Variants in MMP26 observed in about 807,000 individuals in gnomAD.
The protein encoded by MMP26 is matrix metalloproteinase-26.
MMP26 carries 33 observed loss-of-function variants against 31.0 expected under a neutral mutation model. That is an observed-to-expected ratio of 1.06 (90% CI 0.81 to 1.42). MMP26 has a LOEUF of 1.42. MMP26 is among the 40% of genes most tolerant of loss of function. The pLI, the probability that MMP26 is intolerant of heterozygous loss-of-function variation, is 0.00. For synonymous variants in MMP26, 122 were observed against 114.9 expected (o/e 1.06, Z -0.40); for missense variants, 347 against 316.1 (o/e 1.10, Z -0.74).
rs555807969 is a variant in MMP26 at position 4,725,335 on chromosome 11, G to A, written c.-217+20290G>A. ...AGACTGTTTTTTTTCCTACTAATCTGCATGCCCAAAGAGGAAATAGAGGAA... is the reference window on the plus strand; with the variant it reads ...AGACTGTTTTTTTTCCTACTAATCTACATGCCCAAAGAGGAAATAGAGGAA... On this transcript the variant is annotated intron_variant, in intron 1 of 7. Transcript: ENST00000380390. 3.3e-5 allele frequency among the ~76,000 whole-genome samples: 5 copies of A among 152,188 alleles called. No homozygotes were observed. In the South Asian group the frequency reaches 1.0e-3, roughly 32 times the overall value.
At chr11:4,989,162 G>A (rs1846954513) in intron 3 of MMP26, among the ~76,000 whole-genome samples, 1 of 152,180 alleles carries the variant, frequency 6.6e-6, no homozygotes. Context: ...AATCAGTGGA[G>A]ACAAGGAATA....
At chr11:4,791,150 G>A (rs1433927642) in intron 2 of MMP26, among the ~76,000 whole-genome samples, 2 of 152,110 alleles carry the variant, frequency 1.3e-5, no homozygotes, top group Non-Finnish European at 2.9e-5. Flanking sequence ...CACAATTTGT[G>A]CTTTTAGAAT....
At chr11:4,957,701 G>T (rs1846463339) in intron 2 of MMP26, among the ~76,000 whole-genome samples, 1 of 150,398 alleles carries the variant, frequency 6.6e-6, no homozygotes, top group South Asian at 2.1e-4. Context: ...TTTTTTTTTG[G>T]AGATAGAGTC....
intron 2 of MMP26, chr11:4,915,621 C>T: frequency 1.2e-6 from 2 of 1,613,756 alleles, no homozygotes; most frequent in Non-Finnish European, 1.7e-6. Context: ...AGGAAGGTAG[C>T]AGAAACGCTG....
At chr11:4,766,692 T>TTTCCCTCCCTCCCTCC (rs1414845509) in intron 1 of MMP26, among the ~76,000 whole-genome samples, 1,692 of 37,320 alleles carry the variant, frequency 0.045, 121 homozygotes, top group Non-Finnish European at 0.072. Flanking sequence ...CCCACTTTCC[T>TTTCCCTCCCTCCCTCC]TTCCCTCCCT....
At chr11:4,836,980 A>C (rs963065017) in intron 2 of MMP26, among the ~76,000 whole-genome samples, 1 of 152,058 alleles carries the variant, frequency 6.6e-6, no homozygotes, top group African/African-American at 2.4e-5. Context: ...CAATATATGA[A>C]ACACAAAAAG....
chr11:4,808,497 A>G (rs1166650503), intron 2 of MMP26, among the ~76,000 whole-genome samples: 1 of 152,072 alleles, frequency 6.6e-6, no homozygotes, highest in Non-Finnish European at 1.5e-5. Context: ...CGGGGAGGAC[A>G]TCTTTAATGT....
intron 1 of MMP26, among the ~76,000 whole-genome samples, chr11:4,732,381 T>C (rs1182877158): frequency 6.6e-6 from 1 of 152,134 alleles, no homozygotes; most frequent in African/African-American, 2.4e-5. Context: ...GAATCTTTAA[T>C]TCTTTTTTAA....
intron 1 of MMP26, among the ~76,000 whole-genome samples, chr11:4,715,625 A>G (rs995116388): frequency 6.6e-6 from 1 of 152,176 alleles, no homozygotes; most frequent in African/African-American, 2.4e-5. Flanking sequence ...GAGGGTAGGG[A>G]GGAAGGTCAC....
At chr11:4,804,030 C>T (rs765763835) in intron 2 of MMP26, 5 of 1,613,938 alleles carry the variant, frequency 3.1e-6, no homozygotes, top group South Asian at 2.2e-5. Context: ...TAGCCATGAG[C>T]ACCCCAGACT....
intron 2 of MMP26, chr11:4,907,580 A>C (rs200603348): frequency 6.2e-7 from 1 of 1,614,046 alleles, no homozygotes; most frequent in South Asian, 1.1e-5. Flanking sequence ...TGTCTCTGAC[A>C]TGGGCCTGTC....
Position 4,946,096 on chromosome 11 carries a change from G to T in MMP26, c.-144-41972G>T. On this transcript the variant is annotated intron_variant, in intron 2 of 7. Coordinates refer to ENST00000380390, the MANE Select transcript of MMP26 (RefSeq NM_021801.5). The stretch of plus-strand genomic sequence containing the variant: ...GATAATTCTTGGTGTCAAATATTAG[G>T]TTTCTCAAATTTACCTTAAATATCT... The T allele has an allele frequency of 6.3e-6, 9 of 1,418,014 alleles. No individual in the cohort carries two copies. In the South Asian group the frequency reaches 1.1e-4, roughly 18 times the overall value. 87.8% of individuals were successfully genotyped at this position (1,418,014 alleles called of 1,614,324 possible).
In MMP26 at chr11:4,923,422, A is replaced by G. The variant is rs1191121784; in HGVS notation, c.-144-64646A>G. 4 of 1,589,682 alleles carry G rather than the reference A, an allele frequency of 2.5e-6. No homozygotes were observed. The South Asian group carries it at 3.5e-5, about 14-fold the overall frequency. ...GTGACTTTATAAACTGAAACTTCTT[A>G]ATGATGCGCTGGCGAATTTGCTTGG... On this transcript the variant is annotated intron_variant, in intron 2 of 7. Transcript: ENST00000380390.
At chr11:4,782,736 C>T (rs1006680113) in intron 2 of MMP26, among the ~76,000 whole-genome samples, 9 of 152,150 alleles carry the variant, frequency 5.9e-5, no homozygotes, top group African/African-American at 2.2e-4. Context: ...TTGGGCCAGG[C>T]CCAAGGTCTC....
chr11:4,822,245 A>G, intron 2 of MMP26: 1 of 1,574,136 alleles, frequency 6.4e-7, no homozygotes, highest in Non-Finnish European at 8.6e-7. Context: ...CCATTTGTCC[A>G]CATCATCATG....
intron 2 of MMP26, chr11:4,860,372 G>A (rs1370687453): frequency 1.5e-5 from 7 of 471,120 alleles, no homozygotes; most frequent in Non-Finnish European, 3.1e-5. Context: ...AAGATAGAAA[G>A]GAAGTAATAC....
At chr11:4,772,419 C>T (rs11033816) in intron 2 of MMP26, among the ~76,000 whole-genome samples, 22,362 of 138,944 alleles carry the variant, frequency 0.16, 2,066 homozygotes, top group African/African-American at 0.27. Flanking sequence ...TACACCCAGT[C>T]TCTAGGCTCC....
chr11:4,707,096 G>A (rs1156973848), intron 1 of MMP26, among the ~76,000 whole-genome samples: 1 of 152,170 alleles, frequency 6.6e-6, no homozygotes, highest in African/African-American at 2.4e-5. Context: ...TATATACTCA[G>A]AGTGGATGTG....
At chr11:4,835,203 G>C (rs372647145) in intron 2 of MMP26, among the ~76,000 whole-genome samples, 16 of 143,108 alleles carry the variant, frequency 1.1e-4, no homozygotes, top group South Asian at 2.3e-4. Flanking sequence ...CTCTCTTTCT[G>C]ACACACACAC....
Sources: gnomAD v4.1 joint callset for allele counts (sites outside exome capture counted in the v4.1 genomes callset) on GRCh38, gnomAD v4.1.1 for gene constraint, MANE v1.5 for transcripts, NCBI Gene and HGNC (gene_info 2026-07-23, HGNC 2026-07-21) for gene names.